Variants in SYTL5 observed in about 807,000 individuals in gnomAD.
SYTL5 encodes synaptotagmin like 5.
SYTL5 carries 34 observed loss-of-function variants against 55.9 expected under a neutral mutation model. That is an observed-to-expected ratio of 0.61 (90% CI 0.46 to 0.81). The LOEUF is 0.81. SYTL5 is among the 30% of genes least tolerant of loss of function. The pLI is 0.00. For synonymous variants in SYTL5, 221 were observed against 188.7 expected, an observed-to-expected ratio of 1.17 and a Z score of -1.40; for missense variants, 637 against 546.7, an observed-to-expected ratio of 1.17 and a Z score of -1.65.
intron 10 of SYTL5, among the ~76,000 whole-genome samples, chrX:38,105,991 C>G (rs1468228342): frequency 1.8e-5 from 2 of 112,049 alleles, no homozygotes; most frequent in African/African-American, 6.5e-5. Flanking sequence ...TCATATACTA[C>G]TCATGTAGCC....
At chrX:38,047,705 C>G (rs1935506060) in intron 2 of SYTL5, among the ~76,000 whole-genome samples, 1 of 112,305 alleles carries the variant, frequency 8.9e-6, no homozygotes, top group Non-Finnish European at 1.9e-5. Flanking sequence ...TCTTTTCTAT[C>G]GCATCGTCAG....
rs1936056289 is a variant in SYTL5 at position 38,064,813 on chromosome X, T to A, written c.330-7234T>A. Reference sequence around the variant, plus strand: ...ATACTTATATGCTACATACATTACATATGTGCTGTATATACATATACCTGA... The same window carrying A: ...ATACTTATATGCTACATACATTACAAATGTGCTGTATATACATATACCTGA... On this transcript the variant is annotated intron_variant, in intron 3 of 16. Coordinates refer to ENST00000297875, the MANE Select transcript of SYTL5 (RefSeq NM_138780.3). 2.7e-5 allele frequency among the ~76,000 whole-genome samples: 3 copies of A among 111,199 alleles called. No individual in the cohort carries two copies. The South Asian group carries it at 1.1e-3, about 41-fold the overall frequency.
At chrX:37,992,196 G>A in the SYTL5 span, among the ~76,000 whole-genome samples, 2 of 112,687 alleles carry the variant, frequency 1.8e-5, no homozygotes, top group African/African-American at 3.2e-5. Context: ...CCCAAGTGGC[G>A]GCCTCTAAAG....
At chrX:38,116,675 T>C (rs1349602948) in intron 13 of SYTL5, among the ~76,000 whole-genome samples, 3 of 112,885 alleles carry the variant, frequency 2.7e-5, no homozygotes, top group African/African-American at 9.7e-5. Flanking sequence ...GTTCTTCTAT[T>C]CAACTGAATT....
At chrX:38,120,516 T>C in intron 14 of SYTL5, 50 bp downstream of exon 14, 1 of 950,673 alleles carries the variant, frequency 1.1e-6, no homozygotes, top group East Asian at 3.1e-5. Flanking sequence ...TTTCTAGAAG[T>C]GTGGTAGTGG....
At chrX:38,005,697 T>A (rs184643295), upstream of SYTL5, among the ~76,000 whole-genome samples, 240 of 111,326 alleles carry the variant, frequency 2.2e-3, 1 homozygote, top group African/African-American at 7.5e-3. Context: ...AAAACATGTA[T>A]CTCTAAACTT....
Position 38,108,715 on chromosome X carries a change from C to T in SYTL5, c.1434+16C>T. ...AACACTAAAGGTAAATAAATACGGT[C>T]TCATAGTAACTCATGTGGTACTGTT... is the stretch of plus-strand genomic sequence containing the variant. On this transcript the variant is annotated intron_variant, in intron 12 of 16. Coordinates refer to ENST00000297875, the MANE Select transcript of SYTL5 (RefSeq NM_138780.3). 9.8e-7 allele frequency: 1 copy of T among 1,025,262 alleles called. No homozygotes were observed. Among genetic ancestry groups the T allele is most frequent in the Non-Finnish European group, 1.4e-6 (1 of 737,698 alleles). The allele number at this position is 1,025,262 out of a possible 1,213,427, so 84.5% of individuals were successfully genotyped here.
the SYTL5 span, among the ~76,000 whole-genome samples, chrX:37,918,883 GACTACTAGATTATAA>G: frequency 9.0e-6 from 1 of 110,751 alleles, no homozygotes; most frequent in South Asian, 3.9e-4. Context: ...GGATGCATCT[GACTACTAGATTATAA>G]ACCACAATTA....
the SYTL5 span, among the ~76,000 whole-genome samples, chrX:37,943,801 C>G: frequency 7.2e-5 from 8 of 110,966 alleles, no homozygotes; most frequent in African/African-American, 2.6e-4. Context: ...TGTCTCCCAG[C>G]CTGTGTTTCA....
chrX:38,121,602 C>T lies in SYTL5; in HGVS notation c.1706-478C>T, dbSNP rs145745305. 4.4e-3 allele frequency among the ~76,000 whole-genome samples: 493 copies of T among 112,706 alleles called. 4 individuals are homozygous for T. The highest frequency in any genetic ancestry group is 0.014 in the African/African-American group (420 of 31,099). On this transcript the variant is annotated intron_variant, in intron 14 of 16. Coordinates refer to ENST00000297875, the MANE Select transcript of SYTL5 (RefSeq NM_138780.3). ...AAAAGAGATTTCTCTCACCCTAAAA[C>T]GTAACTGTGTTTGGGCTGTAGCCTC...
chrX:38,048,761 A>G (rs950043716), intron 2 of SYTL5, among the ~76,000 whole-genome samples: 1 of 111,137 alleles, frequency 9.0e-6, no homozygotes, highest in African/African-American at 3.3e-5. Flanking sequence ...CTCTCCCACA[A>G]CACCTGGGAA....
the SYTL5 span, among the ~76,000 whole-genome samples, chrX:37,963,481 G>A: frequency 9.0e-6 from 1 of 110,701 alleles, no homozygotes; most frequent in African/African-American, 3.3e-5. Context: ...GTAGAGACGG[G>A]GTTTCACCAT....
At chrX:37,962,985 T>C in the SYTL5 span, among the ~76,000 whole-genome samples, 3 of 111,971 alleles carry the variant, frequency 2.7e-5, no homozygotes, top group East Asian at 8.4e-4. Context: ...TAGCAGGTAA[T>C]ATGGACATTT....
At chrX:38,110,564 A>C (rs996738676) in intron 13 of SYTL5, 82 bp downstream of exon 13, 112 of 822,503 alleles carry the variant, frequency 1.4e-4, no homozygotes, top group Middle Eastern at 1.3e-3. Context: ...AAAGAACTTG[A>C]AGACTTTCAA....
At chrX:37,895,409 T>TTTCCTTCCTTCCTTCCTTCCTTCCTTCC in the SYTL5 span, among the ~76,000 whole-genome samples, 1 of 83,445 alleles carries the variant, frequency 1.2e-5, no homozygotes, top group African/African-American at 5.6e-5. Flanking sequence ...TAGTTTTTCT[T>TTTCCTTCCTTCCTTCCTTCCTTCCTTCC]TTCCTTCCTT....
At chrX:37,968,331 C>T in the SYTL5 span, among the ~76,000 whole-genome samples, 2 of 111,539 alleles carry the variant, frequency 1.8e-5, no homozygotes, top group African/African-American at 6.5e-5. Flanking sequence ...ACATCTTACA[C>T]CTGTTATAAT....
intron 3 of SYTL5, among the ~76,000 whole-genome samples, chrX:38,065,206 C>A (rs752437885): frequency 1.6e-4 from 18 of 111,595 alleles, no homozygotes; most frequent in Admixed American, 9.5e-5. Flanking sequence ...TTAGACATTT[C>A]TTATTGTATA....
At chrX:38,090,056 C>T (rs1189351040) in intron 7 of SYTL5, among the ~76,000 whole-genome samples, 1 of 112,153 alleles carries the variant, frequency 8.9e-6, no homozygotes, top group Non-Finnish European at 1.9e-5. Context: ...GAACCTCCTG[C>T]ATCTTAGCTC....
chrX:37,992,975 G>C, the SYTL5 span, among the ~76,000 whole-genome samples: 1 of 110,386 alleles, frequency 9.1e-6, no homozygotes, highest in Non-Finnish European at 1.9e-5. Flanking sequence ...AGTGTAAATA[G>C]AAACAGTAAA....
Sources: gnomAD v4.1 joint callset for allele counts (sites outside exome capture counted in the v4.1 genomes callset) on GRCh38, gnomAD v4.1.1 for gene constraint, MANE v1.5 for transcripts, NCBI Gene and HGNC (gene_info 2026-07-23, HGNC 2026-07-21) for gene names.